ZFYVE9: variants seen among roughly 807,000 people sequenced by gnomAD.
The protein encoded by ZFYVE9 is zinc finger FYVE domain-containing protein 9.
In ZFYVE9, 43 loss-of-function variants were observed where a neutral mutation model predicts 126.7. That is an observed-to-expected ratio of 0.34 (90% CI 0.27 to 0.44). The LOEUF (loss-of-function observed/expected upper bound fraction) is 0.44, where lower values mean the gene tolerates loss of function less well. ZFYVE9 is among the 20% of genes least tolerant of loss of function. The pLI is 1.00. For synonymous variants in ZFYVE9, 521 were observed against 597.4 expected (o/e 0.87, Z 1.87); for missense variants, 1,476 against 1,697.0 (o/e 0.87, Z 2.29).
chr1:52,153,832 G>A (rs1415064649), intron 1 of ZFYVE9, among the ~76,000 whole-genome samples: 1 of 152,200 alleles, frequency 6.6e-6, no homozygotes, highest in Admixed American at 6.5e-5. Context: ...GTAGATCATT[G>A]GGAATGATGG....
intron 13 of ZFYVE9, among the ~76,000 whole-genome samples, chr1:52,325,072 G>A (rs1646277966): frequency 6.6e-6 from 1 of 152,200 alleles, no homozygotes; most frequent in Non-Finnish European, 1.5e-5. Flanking sequence ...GAGGTCAGGA[G>A]ATCAAGACCA....
At chr1:52,324,858 G>A (rs1329336501) in intron 13 of ZFYVE9, among the ~76,000 whole-genome samples, 1 of 152,166 alleles carries the variant, frequency 6.6e-6, no homozygotes, top group Admixed American at 6.5e-5. Context: ...TATTTGGCCG[G>A]GTACAGTGGC....
chr1:52,330,955 C>A (rs1646335629), intron 13 of ZFYVE9, among the ~76,000 whole-genome samples: 1 of 152,146 alleles, frequency 6.6e-6, no homozygotes, highest in Non-Finnish European at 1.5e-5. Context: ...CAGCCTCCAC[C>A]TGTTGGGGTA....
At chr1:52,174,390 CT>C (rs1361039242) in intron 1 of ZFYVE9, among the ~76,000 whole-genome samples, 1 of 151,868 alleles carries the variant, frequency 6.6e-6, no homozygotes, top group East Asian at 1.9e-4. Flanking sequence ...AATTTCTGTT[CT>C]TTTACATTTG....
intron 1 of ZFYVE9, among the ~76,000 whole-genome samples, chr1:52,146,643 C>T (rs1173436383): frequency 2.0e-5 from 3 of 151,726 alleles, no homozygotes; most frequent in African/African-American, 4.8e-5. Context: ...CTGGTAAATC[C>T]GGACTCTGGA....
At chr1:52,342,828 G>A (rs538244064) in intron 17 of ZFYVE9, among the ~76,000 whole-genome samples, 7 of 152,190 alleles carry the variant, frequency 4.6e-5, no homozygotes, top group Non-Finnish European at 8.8e-5. Flanking sequence ...CACCGCACCC[G>A]GCCTTATATT....
chr1:52,200,602 A>C (rs139078255), intron 1 of ZFYVE9, among the ~76,000 whole-genome samples: 63 of 152,250 alleles, frequency 4.1e-4, no homozygotes, highest in African/African-American at 1.4e-3. Context: ...TAGATTTTCT[A>C]CTGTTATCTT....
chr1:52,188,643 G>C (rs1241304861), intron 1 of ZFYVE9, among the ~76,000 whole-genome samples: 2 of 152,124 alleles, frequency 1.3e-5, no homozygotes, highest in Non-Finnish European at 2.9e-5. Flanking sequence ...GGTATGAGAG[G>C]ACTGGCTGCT....
chr1:52,346,039 C>T (rs777194806), intron 18 of ZFYVE9, 21 bp from the exon 19 acceptor site: 3 of 1,564,280 alleles, frequency 1.9e-6, no homozygotes, highest in South Asian at 2.3e-5. Context: ...AACCTCTCCT[C>T]CTTTTCTCTC....
chr1:52,279,167 C>G (rs1384141875), intron 9 of ZFYVE9, among the ~76,000 whole-genome samples: 1 of 152,106 alleles, frequency 6.6e-6, no homozygotes, highest in Non-Finnish European at 1.5e-5. Flanking sequence ...GGTGAATTCT[C>G]CATGGATGAA....
chr1:52,246,389 G>A (rs1645383929), intron 4 of ZFYVE9, among the ~76,000 whole-genome samples: 1 of 152,100 alleles, frequency 6.6e-6, no homozygotes, highest in Admixed American at 6.5e-5. Flanking sequence ...AGTCATTTTT[G>A]TTTAACATTT....
chr1:52,305,067 A>G (rs1270114236), intron 13 of ZFYVE9, among the ~76,000 whole-genome samples: 5 of 152,204 alleles, frequency 3.3e-5, no homozygotes, highest in African/African-American at 1.2e-4. Flanking sequence ...TTATTTCTCA[A>G]ATTTGAAATA....
intron 2 of ZFYVE9, among the ~76,000 whole-genome samples, chr1:52,226,545 AAAG>A (rs965312178): frequency 1.4e-4 from 21 of 152,138 alleles, no homozygotes; most frequent in African/African-American, 4.8e-4. Flanking sequence ...CAAAAAGAAA[AAAG>A]AAAATGATTT....
rs533302263 is a variant in ZFYVE9 at position 52,323,039 on chromosome 1, C to T, written c.3439-9729C>T. Among the ~76,000 whole-genome samples, 198 of 151,696 alleles carry T rather than the reference C, an allele frequency of 1.3e-3. 1 individual carries two copies. Among genetic ancestry groups the T allele is most frequent in the African/African-American group, 4.4e-3 (184 of 41,390 alleles). ...CAGGATGGTCTTGATCTCCTGACCTCGTGATCCGCCCATCTTGGCCTCCCA... is the reference window on the plus strand; with the variant it reads ...CAGGATGGTCTTGATCTCCTGACCTTGTGATCCGCCCATCTTGGCCTCCCA... On this transcript the variant is annotated intron_variant, in intron 13 of 18. Coordinates refer to ENST00000287727, the MANE Select transcript of ZFYVE9 (RefSeq NM_004799.4).
chr1:52,193,717 A>G (rs1644836151), intron 1 of ZFYVE9, among the ~76,000 whole-genome samples: 1 of 150,896 alleles, frequency 6.6e-6, no homozygotes, highest in South Asian at 2.1e-4. Context: ...CAAAAAAAAA[A>G]AAAAAAAAAA....
chr1:52,248,676 A>T (rs962631739), intron 4 of ZFYVE9, among the ~76,000 whole-genome samples: 4 of 152,200 alleles, frequency 2.6e-5, no homozygotes, highest in Admixed American at 6.5e-5. Flanking sequence ...ATCAATGGAC[A>T]CTTCAGTTGT....
At chr1:52,343,212 G>A (rs894382800) in intron 17 of ZFYVE9, among the ~76,000 whole-genome samples, 3 of 151,562 alleles carry the variant, frequency 2.0e-5, no homozygotes, top group African/African-American at 7.3e-5. Context: ...ATGAGCCACC[G>A]TGCCCGGCCG....
At position 52,216,375 on chromosome 1, in the gene ZFYVE9, A is replaced by G. The variant is rs184379213; in HGVS notation, c.-136A>G. 33 of 398,516 alleles carry G rather than the reference A, an allele frequency of 8.3e-5. No homozygotes were observed. The East Asian group carries it at 1.1e-3, about 13-fold the overall frequency. The allele number at this position is 398,516 out of a possible 1,614,324, so 24.7% of individuals were successfully genotyped here. ...CAATGTGTTTTTCCTTTAGGATCAA[A>G]CAGAGCATACTGAATCAGCAGGACT... On this transcript the variant is annotated 5_prime_UTR_variant, in exon 2 of 19. Coordinates refer to ENST00000287727, the MANE Select transcript of ZFYVE9 (RefSeq NM_004799.4).
intron 1 of ZFYVE9, among the ~76,000 whole-genome samples, chr1:52,169,212 G>A (rs1644542177): frequency 6.6e-6 from 1 of 151,996 alleles, no homozygotes; most frequent in Non-Finnish European, 1.5e-5. Context: ...ACCAGCATGG[G>A]CAACATGATA....
Sources: allele counts gnomAD v4.1 joint callset (sites outside exome capture counted in the v4.1 genomes callset), GRCh38; gene constraint gnomAD v4.1.1; transcripts MANE v1.5; gene names NCBI Gene and HGNC (gene_info 2026-07-23, HGNC 2026-07-21).